The following AIG1 variants were observed in gnomAD, a reference collection of about 807,000 sequenced individuals.
AIG1 encodes androgen-induced gene 1 protein.
In AIG1, 23 loss-of-function variants were observed where a neutral mutation model predicts 31.4. The observed-to-expected ratio is 0.73, with a 90% CI of 0.53 to 1.04. AIG1 has a LOEUF of 1.04. Ranked by LOEUF, AIG1 falls within the 50% of genes least tolerant of loss-of-function variation. AIG1 has a pLI of 0.00. For missense variants in AIG1, 274 were observed against 295.0 expected, an observed-to-expected ratio of 0.93 and a Z score of 0.52; for synonymous variants, 100 against 110.5, an observed-to-expected ratio of 0.90 and a Z score of 0.60.
intron 3 of AIG1, among the ~76,000 whole-genome samples, chr6:143,217,517 AT>A (rs550056486): frequency 2.0e-5 from 3 of 150,966 alleles, no homozygotes; most frequent in Non-Finnish European, 3.0e-5. Context: ...ATCTTTCCAC[AT>A]TTTTTTTTGA....
At chr6:143,249,579 T>C (rs1464782481) in intron 3 of AIG1, among the ~76,000 whole-genome samples, 1 of 152,212 alleles carries the variant, frequency 6.6e-6, no homozygotes, top group Non-Finnish European at 1.5e-5. Flanking sequence ...AGTTCAACAC[T>C]TAGCTCTCCA....
At chr6:143,251,243 G>A (rs1794990374) in intron 3 of AIG1, among the ~76,000 whole-genome samples, 1 of 152,030 alleles carries the variant, frequency 6.6e-6, no homozygotes, top group Non-Finnish European at 1.5e-5. Flanking sequence ...GTAGAGATGG[G>A]GTTTCTCCAT....
At chr6:143,172,974 G>A (rs997702498) in intron 3 of AIG1, among the ~76,000 whole-genome samples, 2 of 151,460 alleles carry the variant, frequency 1.3e-5, no homozygotes, top group Non-Finnish European at 2.9e-5. Flanking sequence ...GGTTAATCTC[G>A]CTAATGGTCT....
chr6:143,068,257 G>C (rs567573826), intron 1 of AIG1, among the ~76,000 whole-genome samples: 69 of 152,290 alleles, frequency 4.5e-4, no homozygotes, highest in African/African-American at 1.5e-3. Flanking sequence ...CATGTTTCTG[G>C]GGGAAGCAAG....
At chr6:143,147,512 G>C (rs1784813595) in intron 2 of AIG1, among the ~76,000 whole-genome samples, 1 of 151,976 alleles carries the variant, frequency 6.6e-6, no homozygotes, top group African/African-American at 2.4e-5. Context: ...AAAGAAAGAA[G>C]ACTCCGCACT....
chr6:143,159,484 A>C (rs1384726780), intron 2 of AIG1, among the ~76,000 whole-genome samples: 1 of 152,250 alleles, frequency 6.6e-6, no homozygotes, highest in Non-Finnish European at 1.5e-5. Context: ...GCAATTTTCT[A>C]TGTGGAGATT....
chr6:143,285,515 T>G (rs1323060687), intron 4 of AIG1, among the ~76,000 whole-genome samples: 1 of 151,394 alleles, frequency 6.6e-6, no homozygotes, highest in Admixed American at 6.6e-5. Context: ...TACAAAAAAT[T>G]AGCCAGGTGT....
intron 1 of AIG1, among the ~76,000 whole-genome samples, chr6:143,092,103 C>CATTT (rs1261049816): frequency 1.3e-5 from 2 of 151,854 alleles, no homozygotes; most frequent in African/African-American, 2.4e-5. Context: ...TTATGAAATA[C>CATTT]ATTTATTTAT....
chr6:143,290,172 G>A (rs1797955220), intron 4 of AIG1, among the ~76,000 whole-genome samples: 1 of 152,208 alleles, frequency 6.6e-6, no homozygotes, highest in Admixed American at 6.5e-5. Context: ...ATTTGACCAA[G>A]GGGCATAAGG....
At chr6:143,192,407 C>T (rs181071630) in intron 3 of AIG1, among the ~76,000 whole-genome samples, 1 of 152,200 alleles carries the variant, frequency 6.6e-6, no homozygotes, top group African/African-American at 2.4e-5. Context: ...GAGTTCAAGC[C>T]CAGCCTGGCC....
intron 2 of AIG1, among the ~76,000 whole-genome samples, chr6:143,142,205 A>G (rs980536104): frequency 6.6e-6 from 1 of 151,982 alleles, no homozygotes; most frequent in Non-Finnish European, 1.5e-5. Flanking sequence ...CCAAGTAGCT[A>G]GGACTACAGG....
At chr6:143,238,811 A>G (rs114035149) in intron 3 of AIG1, among the ~76,000 whole-genome samples, 1 of 152,340 alleles carries the variant, frequency 6.6e-6, no homozygotes, top group African/African-American at 2.4e-5. Flanking sequence ...TTTTGTCCCT[A>G]AAAGGGAAAA....
In AIG1 at chr6:143,331,986, C is replaced by T. The variant is rs2128722936; in HGVS notation, c.516-1296C>T. ...TCCCAGGGTCAAGTGATGCTTGTGC[C>T]TCAGCCTCCCGAGTAGCTGGGATTA... On this transcript the variant is annotated intron_variant, in intron 4 of 5. Coordinates refer to ENST00000357847, the MANE Select transcript of AIG1 (RefSeq NM_016108.4). The surrounding 1 kb of genome is among the most constrained non-coding windows in gnomAD (Gnocchi z 4.1). Among the ~76,000 whole-genome samples, 1 of 151,646 alleles carries T rather than the reference C, an allele frequency of 6.6e-6. No individual in the cohort carries two copies. Among genetic ancestry groups the T allele is most frequent in the African/African-American group, 2.4e-5 (1 of 41,304 alleles).
intron 1 of AIG1, among the ~76,000 whole-genome samples, chr6:143,114,824 G>A (rs760984056): frequency 6.6e-6 from 1 of 152,128 alleles, no homozygotes; most frequent in Non-Finnish European, 1.5e-5. Flanking sequence ...TATGTTATAT[G>A]TAATATGCTT....
At position 143,339,728 on chromosome 6, in the gene AIG1, C is replaced by A; in HGVS notation, c.*52C>A. On this transcript the variant is annotated 3_prime_UTR_variant, in exon 6 of 6. Transcript: ENST00000357847. ...ATTGAGCCGCCATTGAAGACTCCTTCCCCTCGGGCATTGGCAGTGGGGGAG... is the reference window on the plus strand; with the variant it reads ...ATTGAGCCGCCATTGAAGACTCCTTACCCTCGGGCATTGGCAGTGGGGGAG... The A allele has an allele frequency of 2.5e-6, 4 of 1,592,084 alleles. No homozygotes were observed. Among genetic ancestry groups the A allele is most frequent in the South Asian group, 2.2e-5 (2 of 88,904 alleles).
chr6:143,183,754 A>T (rs550940408), intron 3 of AIG1, among the ~76,000 whole-genome samples: 1 of 152,282 alleles, frequency 6.6e-6, no homozygotes, highest in East Asian at 1.9e-4. Flanking sequence ...CCTTAAATCC[A>T]TAGATATTTC....
chr6:143,133,382 C>T (rs938832446), intron 1 of AIG1, among the ~76,000 whole-genome samples: 6 of 152,066 alleles, frequency 3.9e-5, no homozygotes, highest in Admixed American at 2.0e-4. Flanking sequence ...TTAGTCAGAA[C>T]TGGAATACAT....
chr6:143,126,291 A>T (rs1782682232), intron 1 of AIG1: 1 of 152,136 alleles, frequency 6.6e-6, no homozygotes, highest in Non-Finnish European at 1.5e-5. Flanking sequence ...TATGTAACTG[A>T]TCATGGACTC....
chr6:143,089,843 A>C (rs1351388225), intron 1 of AIG1, among the ~76,000 whole-genome samples: 2 of 152,036 alleles, frequency 1.3e-5, no homozygotes, highest in Non-Finnish European at 2.9e-5. Flanking sequence ...TGAGTGATCC[A>C]CCCCCATAAC....
Sources: allele counts gnomAD v4.1 joint callset (sites outside exome capture counted in the v4.1 genomes callset), GRCh38; gene constraint gnomAD v4.1.1; non-coding constraint Gnocchi (gnomAD v3.1); transcripts MANE v1.5; gene names NCBI Gene and HGNC (gene_info 2026-07-23, HGNC 2026-07-21).